BRWD3: variants seen among roughly 807,000 people sequenced by gnomAD.
BRWD3 encodes the protein bromodomain and WD repeat-containing protein 3.
Under a neutral mutation model 149.7 loss-of-function variants are expected in BRWD3, and 10 were observed. The ratio of observed to expected loss-of-function variants is 0.07; its 90% CI spans 0.04 to 0.11. The LOEUF is 0.11. Among genes scored for constraint, BRWD3 ranks in the 10% least tolerant of loss-of-function variants. The probability of loss-of-function intolerance (pLI) is 1.00; values close to 1 mark genes in which losing one functional copy is unlikely to be tolerated. For synonymous variants in BRWD3, 504 were observed against 456.7 expected (o/e 1.10, Z -1.32); for missense variants, 940 against 1,373.2 (o/e 0.68, Z 4.99).
chrX:80,729,022 C>T (rs1365257723), intron 13 of BRWD3, 117 bp from the exon 14 acceptor site: 2 of 609,700 alleles, frequency 3.3e-6, no homozygotes. Context: ...ATTTAAAAAT[C>T]CTAAACTATA....
At chrX:80,746,869 G>A (rs1003495704) in intron 6 of BRWD3, 2 of 745,645 alleles carry the variant, frequency 2.7e-6, no homozygotes, top group Non-Finnish European at 3.2e-6. Context: ...CAGATCCACT[G>A]GCCATTTTAA....
chrX:80,763,576 T>C (rs1469075187), intron 6 of BRWD3, among the ~76,000 whole-genome samples: 3 of 112,120 alleles, frequency 2.7e-5, no homozygotes, highest in African/African-American at 9.7e-5. Flanking sequence ...CTCAATTGCA[T>C]TTCTATATAC....
At chrX:80,711,275 T>A (rs2072963753) in intron 20 of BRWD3, among the ~76,000 whole-genome samples, 1 of 111,739 alleles carries the variant, frequency 8.9e-6, no homozygotes, top group Admixed American at 9.6e-5. Flanking sequence ...CAAATTTCTA[T>A]CTAAGAGGCC....
Position 80,735,107 on chromosome X carries a change from C to T in BRWD3, c.985+20G>A. 1 of 1,162,082 alleles carries T rather than the reference C, an allele frequency of 8.6e-7. No individual in the cohort carries two copies. The highest frequency in any genetic ancestry group is 1.2e-6 in the Non-Finnish European group (1 of 850,674). On this transcript the variant is annotated intron_variant, in intron 10 of 40. Transcript: ENST00000373275. ...CGTTAAATATTCTAGATGCTCAAAACATTCCAGTTTTACACATACCAGAAC... is the reference window on the plus strand; with the variant it reads ...CGTTAAATATTCTAGATGCTCAAAATATTCCAGTTTTACACATACCAGAAC...
chrX:80,760,093 T>C (rs1460358581), intron 6 of BRWD3, among the ~76,000 whole-genome samples: 3 of 112,284 alleles, frequency 2.7e-5, no homozygotes, highest in Non-Finnish European at 5.6e-5. Flanking sequence ...TTAAAGCTTC[T>C]AGTTTACTTT....
Position 80,685,458 on chromosome X carries a change from C to T in BRWD3, c.4080+4G>A. The T allele has an allele frequency of 1.7e-6, 2 of 1,201,775 alleles. No individual in the cohort carries two copies. Among genetic ancestry groups the T allele is most frequent in the African/African-American group, 3.5e-5 (2 of 57,553 alleles). The stretch of plus-strand genomic sequence containing the variant: ...TATGTCTTTTAAGAGACTACCAGGC[C>T]TACCTCAGAAAGAGATGAATCTTGT... On this transcript the variant is annotated splice_donor_region_variant and intron_variant, in intron 36 of 40. Transcript: ENST00000373275.
At chrX:80,749,425 C>A (rs749447682) in intron 6 of BRWD3, among the ~76,000 whole-genome samples, 4 of 111,562 alleles carry the variant, frequency 3.6e-5, no homozygotes, top group Non-Finnish European at 5.7e-5. Flanking sequence ...GATGAACTAA[C>A]ATCTCTATCA....
Position 80,710,075 on chromosome X carries a change from T to C in BRWD3, c.2326-498A>G, listed in dbSNP as rs754952880. 4 of 902,453 alleles carry C rather than the reference T, an allele frequency of 4.4e-6. No individual in the cohort carries two copies. The South Asian group carries it at 6.0e-5, about 13-fold the overall frequency. The allele number at this position is 902,453 out of a possible 1,213,427, so 74.4% of individuals were successfully genotyped here. On this transcript the variant is annotated intron_variant, in intron 20 of 40. Coordinates refer to ENST00000373275, the MANE Select transcript of BRWD3 (RefSeq NM_153252.5). ...ATTGGTTGCATTGAAAAGGGCACCATCGGAGCTTGCAGCTCATCAGAAAAA... is the reference window on the plus strand; with the variant it reads ...ATTGGTTGCATTGAAAAGGGCACCACCGGAGCTTGCAGCTCATCAGAAAAA...
Position 80,719,682 on chromosome X carries a change from C to A in BRWD3, c.1877-26G>T, listed in dbSNP as rs2073117478. ...CTTAATAAGACCAGATACAAAGCCA[C>A]AAAATTACTTACATTTTAGTATACC... On this transcript the variant is annotated intron_variant, in intron 17 of 40. Transcript: ENST00000373275. The A allele has an allele frequency of 5.9e-6, 7 of 1,194,371 alleles. No homozygotes were observed. In the South Asian group the frequency reaches 7.1e-5, roughly 12 times the overall value.
intron 22 of BRWD3, 119 bp from the exon 23 acceptor site, chrX:80,704,965 TAACTTA>T: frequency 1.3e-6 from 1 of 765,565 alleles, no homozygotes; most frequent in East Asian, 3.4e-5. Context: ...GATTTTTTTC[TAACTTA>T]AGAGAAAAAA....
At chrX:80,791,991 G>GTT (rs759668223) in intron 5 of BRWD3, 39 bp from the exon 6 acceptor site, 38 of 800,568 alleles carry the variant, frequency 4.7e-5, no homozygotes, top group Non-Finnish European at 6.0e-5. Context: ...GAATAGAGCA[G>GTT]TTTTTTTTTT....
intron 8 of BRWD3, among the ~76,000 whole-genome samples, chrX:80,737,346 T>C (rs2073418494): frequency 8.9e-6 from 1 of 111,893 alleles, no homozygotes; most frequent in African/African-American, 3.3e-5. Flanking sequence ...ACAATGTAAA[T>C]GCTGTAGTAA....
chrX:80,676,273 C>T lies in BRWD3; in HGVS notation c.*336G>A. The T allele has an allele frequency of 3.8e-6, 1 of 262,233 alleles. No homozygotes were observed. Among genetic ancestry groups the T allele is most frequent in the Non-Finnish European group, 6.8e-6 (1 of 147,555 alleles). The allele number at this position is 262,233 out of a possible 1,213,427, so 21.6% of individuals were successfully genotyped here. ...CTATTGAGATAAAAATGTCATGCTA[C>T]TCTTAAGAAGCTGAATGCTCCTTTA... On this transcript the variant is annotated 3_prime_UTR_variant, in exon 41 of 41. Transcript: ENST00000373275.
intron 6 of BRWD3, among the ~76,000 whole-genome samples, chrX:80,749,427 T>A (rs748174087): frequency 5.5e-4 from 62 of 111,760 alleles, no homozygotes; most frequent in African/African-American, 1.9e-3. Flanking sequence ...TGAACTAACA[T>A]CTCTATCATT....
intron 6 of BRWD3, among the ~76,000 whole-genome samples, chrX:80,763,986 C>T (rs2073829743): frequency 8.9e-6 from 1 of 111,841 alleles, no homozygotes; most frequent in Admixed American, 9.5e-5. Context: ...CTACAGAAAT[C>T]AAAACAGCAT....
intron 6 of BRWD3, among the ~76,000 whole-genome samples, 190 bp from the exon 7 acceptor site, chrX:80,745,919 T>C (rs1305498509): frequency 9.0e-6 from 1 of 110,778 alleles, no homozygotes; most frequent in Non-Finnish European, 1.9e-5. Context: ...GCACCAAGAA[T>C]ACTCTTCCAT....
intron 6 of BRWD3, among the ~76,000 whole-genome samples, chrX:80,761,816 A>T (rs1402998616): frequency 9.0e-6 from 1 of 111,571 alleles, no homozygotes; most frequent in East Asian, 2.8e-4. Context: ...TATACTCCAC[A>T]TCACATCATT....
intron 7 of BRWD3, among the ~76,000 whole-genome samples, chrX:80,744,715 T>C (rs1461171121): frequency 8.9e-6 from 1 of 112,051 alleles, no homozygotes; most frequent in Non-Finnish European, 1.9e-5. Flanking sequence ...TAAACTTCCT[T>C]TTGAGAATTT....
At chrX:80,718,237 G>A (rs1185888871) in intron 18 of BRWD3, among the ~76,000 whole-genome samples, 1 of 111,535 alleles carries the variant, frequency 9.0e-6, no homozygotes, top group African/African-American at 3.3e-5. Context: ...CAAGATTGAT[G>A]AGCAACGAAA....
Sources: allele counts gnomAD v4.1 joint callset (sites outside exome capture counted in the v4.1 genomes callset), GRCh38; gene constraint gnomAD v4.1.1; transcripts MANE v1.5; gene names NCBI Gene and HGNC (gene_info 2026-07-23, HGNC 2026-07-21).